The following GAS2L3 variants were observed in gnomAD, a reference collection of about 807,000 sequenced individuals.
The protein encoded by GAS2L3 is growth arrest specific 2 like 3.
A neutral mutation model predicts 37.0 loss-of-function variants in GAS2L3; 28 were observed. The ratio of observed to expected loss-of-function variants is 0.76; its 90% confidence interval spans 0.56 to 1.04. The LOEUF (loss-of-function observed/expected upper bound fraction) is 1.04. GAS2L3 is among the 50% of genes least tolerant of loss of function. GAS2L3 has a pLI of 0.00. For missense variants in GAS2L3, 793 were observed against 817.6 expected (o/e 0.97, Z 0.37); for synonymous variants, 290 against 296.6 (o/e 0.98, Z 0.23).
intron 8 of GAS2L3, among the ~76,000 whole-genome samples, chr12:100,619,471 A>T (rs1014942342): frequency 6.6e-6 from 1 of 152,116 alleles, no homozygotes; most frequent in East Asian, 1.9e-4. Context: ...AATCATTACT[A>T]ATAAACATTT....
rs367939035 is a variant in GAS2L3, at chr12:100,624,130, C to A, written c.1325C>A (p.Pro442His). The change falls in exon 10 of 10, where the codon CCC becomes CAC. Residue 442 changes from proline to histidine, a missense_variant. By Grantham distance (77) the Pro-to-His change is moderately conservative. Transcript: ENST00000547754. ...PRKCISSPNT[P>H]KAKVIPAQNS... is the part of the protein sequence containing the mutation. Reference sequence around the variant, plus strand: ...AAATGTATTTCATCCCCCAATACCCCCAAGGCCAAGGTTATTCCAGCCCAG... The same window carrying A: ...AAATGTATTTCATCCCCCAATACCCACAAGGCCAAGGTTATTCCAGCCCAG... The A allele has an allele frequency of 9.3e-6, 15 of 1,613,660 alleles. No homozygotes were observed. The African/African-American group carries it at 1.3e-4, about 14-fold the overall frequency.
At position 100,591,767 on chromosome 12, in the gene GAS2L3, A is replaced by C. The variant is rs1435705661; in HGVS notation, c.-120A>C. 1.3e-5 allele frequency: 2 copies of C among 152,040 alleles called. No individual in the cohort carries two copies. Among genetic ancestry groups the C allele is most frequent in the Non-Finnish European group, 2.9e-5 (2 of 67,998 alleles). 9.4% of individuals were successfully genotyped at this position (152,040 alleles called of 1,614,324 possible). ...ACACTGAGGCTCAGAGAAGTTAACT[A>C]CTCCAAAGTCATATAGCCAGTATTT... On this transcript the variant is annotated 5_prime_UTR_variant, in exon 2 of 10. Coordinates refer to ENST00000547754, the MANE Select transcript of GAS2L3 (RefSeq NM_174942.3).
intron 5 of GAS2L3, among the ~76,000 whole-genome samples, chr12:100,608,622 C>T (rs953765897): frequency 2.0e-5 from 3 of 152,006 alleles, no homozygotes; most frequent in Non-Finnish European, 4.4e-5. Context: ...CCCGGGTTCA[C>T]GCCATTCTTC....
chr12:100,583,560 C>T (rs567039780), intron 1 of GAS2L3, among the ~76,000 whole-genome samples: 3 of 152,248 alleles, frequency 2.0e-5, no homozygotes, highest in Admixed American at 6.5e-5. Flanking sequence ...CAACCTCCAC[C>T]TCCCGGGTTC....
At chr12:100,577,460 C>T (rs1013437015) in intron 1 of GAS2L3, among the ~76,000 whole-genome samples, 33 of 152,160 alleles carry the variant, frequency 2.2e-4, no homozygotes, top group African/African-American at 7.9e-4. Flanking sequence ...TGGGTCTCTG[C>T]CAAACATTTC....
At position 100,626,678 on chromosome 12, in the gene GAS2L3, T is replaced by C. The variant is rs1051865638; in HGVS notation, c.*1788T>C. The C allele has an allele frequency of 6.6e-6, 1 of 152,192 alleles. No individual in the cohort carries two copies. The highest frequency in any genetic ancestry group is 2.4e-5 in the African/African-American group (1 of 41,444). The allele number at this position is 152,192 out of a possible 1,614,324, so 9.4% of individuals were successfully genotyped here. ...AAAAAGTAAATGGAATTGTAGGCAA[T>C]TTATGAATCCTAGTAGATTTTACAA... On this transcript the variant is annotated 3_prime_UTR_variant, in exon 10 of 10. Coordinates refer to ENST00000547754, the MANE Select transcript of GAS2L3 (RefSeq NM_174942.3).
intron 8 of GAS2L3, among the ~76,000 whole-genome samples, chr12:100,619,398 T>A (rs1956226617): frequency 6.6e-6 from 1 of 152,090 alleles, no homozygotes; most frequent in South Asian, 2.1e-4. Context: ...CTGCTTAGAC[T>A]GTTGTTTGGA....
Position 100,618,440 on chromosome 12 carries a change from G to A in GAS2L3, c.510-9G>A. 6.3e-7 allele frequency: 1 copy of A among 1,597,984 alleles called. No homozygotes were observed. The highest frequency in any genetic ancestry group is 1.7e-4 in the Middle Eastern group (1 of 5,982). On this transcript the variant is annotated splice_polypyrimidine_tract_variant and intron_variant, in intron 7 of 9. Transcript: ENST00000547754. Reference sequence around the variant, plus strand: ...GCTTGAATGATCAGATCTCCTGGTTGGTTTTCAGATACGGGGTTGAGCCAC... The same window carrying A: ...GCTTGAATGATCAGATCTCCTGGTTAGTTTTCAGATACGGGGTTGAGCCAC...
At chr12:100,579,466 G>A (rs1183615076) in intron 1 of GAS2L3, 1 of 791,540 alleles carries the variant, frequency 1.3e-6, no homozygotes, top group Non-Finnish European at 2.3e-6. Flanking sequence ...GAACAAATTT[G>A]GTTAGTGGTA....
chr12:100,617,603 AG>A (rs1956203210), intron 6 of GAS2L3, 140 bp from the exon 7 acceptor site: 2 of 610,044 alleles, frequency 3.3e-6, no homozygotes, highest in Non-Finnish European at 5.8e-6. Flanking sequence ...AAAAAATAAA[AG>A]TGTCTTTTCT....
At chr12:100,578,619 C>G (rs1335823129) in intron 1 of GAS2L3, 1 of 225,710 alleles carries the variant, frequency 4.4e-6, no homozygotes, top group African/African-American at 2.3e-5. Flanking sequence ...CCTTTCTTCA[C>G]GTAAGATGTG....
chr12:100,594,667 T>C (rs1593169065), intron 2 of GAS2L3: 1 of 284,846 alleles, frequency 3.5e-6, no homozygotes, highest in Non-Finnish European at 6.9e-6. Context: ...AAAGTCTGTT[T>C]CAGGTTTTCC....
At chr12:100,599,404 T>C (rs1955955526) in intron 3 of GAS2L3, among the ~76,000 whole-genome samples, 1 of 152,220 alleles carries the variant, frequency 6.6e-6, no homozygotes, top group Non-Finnish European at 1.5e-5. Flanking sequence ...CTCTCAGTTG[T>C]TCAGGTAGTA....
At chr12:100,601,535 A>C in intron 4 of GAS2L3, 103 bp from the exon 5 acceptor site, 1 of 660,646 alleles carries the variant, frequency 1.5e-6, no homozygotes, top group Non-Finnish European at 2.7e-6. Context: ...GTCTGATCTG[A>C]TATTTTTCTA....
chr12:100,581,092 A>G (rs1043142284), intron 1 of GAS2L3, among the ~76,000 whole-genome samples: 1 of 152,172 alleles, frequency 6.6e-6, no homozygotes, highest in Admixed American at 6.5e-5. Flanking sequence ...ACCCTCCATA[A>G]TTAAGTTTTC....
rs1393671016 is a variant in GAS2L3 at position 100,627,271 on chromosome 12, G to C, written c.*2381G>C. Among the ~76,000 whole-genome samples, 1 of 151,446 alleles carries C rather than the reference G, an allele frequency of 6.6e-6. No homozygotes were observed. The highest frequency in any genetic ancestry group is 1.5e-5 in the Non-Finnish European group (1 of 67,810). On this transcript the variant is annotated 3_prime_UTR_variant, in exon 10 of 10. Coordinates refer to ENST00000547754, the MANE Select transcript of GAS2L3 (RefSeq NM_174942.3). Reference sequence around the variant, plus strand: ...TGTTTTTTTAATGTTGTTTTGTTTTGTTTTGTTTTTTTCCTTTTTTGAGAC... The same window carrying C: ...TGTTTTTTTAATGTTGTTTTGTTTTCTTTTGTTTTTTTCCTTTTTTGAGAC...
chr12:100,610,380 C>A (rs1956111710), intron 5 of GAS2L3, among the ~76,000 whole-genome samples: 1 of 152,202 alleles, frequency 6.6e-6, no homozygotes, highest in South Asian at 2.1e-4. Flanking sequence ...TGCACACATA[C>A]ACACACAAAT....
At chr12:100,622,094 T>A (rs941522924) in intron 8 of GAS2L3, among the ~76,000 whole-genome samples, 181 bp from the exon 9 acceptor site, 1 of 152,160 alleles carries the variant, frequency 6.6e-6, no homozygotes, top group Non-Finnish European at 1.5e-5. Flanking sequence ...GTGGCTTTTT[T>A]ATGTTAGATT....
At chr12:100,585,927 T>C (rs966908660) in intron 1 of GAS2L3, among the ~76,000 whole-genome samples, 7 of 152,168 alleles carry the variant, frequency 4.6e-5, no homozygotes, top group African/African-American at 1.7e-4. Context: ...TTGTTTCTCC[T>C]TCTCTCAGTG....
Sources: allele counts gnomAD v4.1 joint callset (sites outside exome capture counted in the v4.1 genomes callset), GRCh38; gene constraint gnomAD v4.1.1; transcripts MANE v1.5; gene names NCBI Gene and HGNC (gene_info 2026-07-23, HGNC 2026-07-21).